The following BMP6 variants were observed in gnomAD, a reference collection of about 807,000 sequenced individuals.
BMP6 encodes the protein VG-1-R.
A neutral mutation model predicts 54.1 loss-of-function variants in BMP6; 17 were observed. The ratio of observed to expected loss-of-function variants is 0.31; its 90% CI spans 0.22 to 0.47. BMP6 has a LOEUF of 0.47. Among genes scored for constraint, BMP6 ranks in the 20% least tolerant of loss-of-function variants. BMP6 has a pLI of 1.00. For synonymous variants in BMP6, 328 were observed against 291.2 expected, an observed-to-expected ratio of 1.13 and a Z score of -1.28; for missense variants, 720 against 690.4, an observed-to-expected ratio of 1.04 and a Z score of -0.48.
chr6:7,873,609 AC>A (rs534991588), intron 4 of BMP6, among the ~76,000 whole-genome samples: 96 of 151,902 alleles, frequency 6.3e-4, no homozygotes, highest in Non-Finnish European at 1.1e-3. Context: ...CAAAGTTCCA[AC>A]CCCCTAATCC....
At chr6:7,729,879 T>C (rs1761821626) in intron 1 of BMP6, among the ~76,000 whole-genome samples, 1 of 152,162 alleles carries the variant, frequency 6.6e-6, no homozygotes, top group Admixed American at 6.5e-5. Context: ...AGTATTTTTT[T>C]GTTCAAAAAT....
intron 1 of BMP6, among the ~76,000 whole-genome samples, chr6:7,833,927 G>A (rs190681383): frequency 7.2e-4 from 110 of 152,314 alleles, no homozygotes; most frequent in African/African-American, 2.6e-3. Context: ...ATAAACAAAA[G>A]CAAACTTGCC....
intron 2 of BMP6, among the ~76,000 whole-genome samples, chr6:7,850,183 C>A (rs1759121932): frequency 6.6e-6 from 1 of 152,100 alleles, no homozygotes; most frequent in African/African-American, 2.4e-5. Flanking sequence ...CGCTCTGTTG[C>A]CCATGCTGGA....
chr6:7,837,888 A>C (rs1758898806), intron 1 of BMP6, among the ~76,000 whole-genome samples: 1 of 152,258 alleles, frequency 6.6e-6, no homozygotes, highest in Non-Finnish European at 1.5e-5. Context: ...AAATAGGTTC[A>C]ATATTTCTAT....
intron 1 of BMP6, among the ~76,000 whole-genome samples, chr6:7,733,155 C>T (rs1174328147): frequency 6.6e-6 from 1 of 152,188 alleles, no homozygotes; most frequent in Non-Finnish European, 1.5e-5. Flanking sequence ...ATCTGCCTGC[C>T]TTGGCCACCC....
chr6:7,752,795 G>T (rs1757446994), intron 1 of BMP6, among the ~76,000 whole-genome samples: 1 of 152,050 alleles, frequency 6.6e-6, no homozygotes, highest in Non-Finnish European at 1.5e-5. Flanking sequence ...CAGATCCGTG[G>T]ATTATAATTT....
chr6:7,862,642 G>C, intron 4 of BMP6, 144 bp downstream of exon 4: 1 of 1,101,456 alleles, frequency 9.1e-7, no homozygotes, highest in East Asian at 2.6e-5. Context: ...ATGGTACCTT[G>C]TACAGTCGCA....
intron 4 of BMP6, among the ~76,000 whole-genome samples, chr6:7,876,393 T>C (rs1759615274): frequency 6.6e-6 from 1 of 152,206 alleles, no homozygotes; most frequent in Non-Finnish European, 1.5e-5. Context: ...TTGCCTTTCT[T>C]TAGTTGTAGA....
chr6:7,820,595 G>T (rs1237328528), intron 1 of BMP6, among the ~76,000 whole-genome samples: 1 of 152,154 alleles, frequency 6.6e-6, no homozygotes, highest in Non-Finnish European at 1.5e-5. Flanking sequence ...AGGAAATTAG[G>T]TGGGGACAGT....
In BMP6 at chr6:7,844,850, C is replaced by T. The variant is rs35783167; in HGVS notation, c.665-290C>T. On this transcript the variant is annotated intron_variant, in intron 1 of 6. Coordinates refer to ENST00000283147, the MANE Select transcript of BMP6 (RefSeq NM_001718.6). ...ATTTTTGCAGATGAGAAAACTTTAACGCAAGAGTTTTCATAACTTGCTCTC... is the reference window on the plus strand; with the variant it reads ...ATTTTTGCAGATGAGAAAACTTTAATGCAAGAGTTTTCATAACTTGCTCTC... Among the ~76,000 whole-genome samples, 705 of 152,258 alleles carry T rather than the reference C, an allele frequency of 4.6e-3. 7 individuals carry two copies. The highest frequency in any genetic ancestry group is 0.016 in the African/African-American group (662 of 41,548).
intron 1 of BMP6, among the ~76,000 whole-genome samples, chr6:7,803,490 C>A (rs1403201314): frequency 6.6e-6 from 1 of 152,096 alleles, no homozygotes; most frequent in Non-Finnish European, 1.5e-5. Context: ...CATTTCTTCC[C>A]ATCCTGCACC....
intron 4 of BMP6, among the ~76,000 whole-genome samples, chr6:7,871,498 A>G (rs181717636): frequency 3.3e-5 from 5 of 152,248 alleles, no homozygotes; most frequent in Admixed American, 3.3e-4. Context: ...GTGTCACCTG[A>G]TCACTCAACA....
chr6:7,758,835 A>G (rs1018353177), intron 1 of BMP6, among the ~76,000 whole-genome samples: 31 of 152,146 alleles, frequency 2.0e-4, no homozygotes, highest in African/African-American at 7.5e-4. Flanking sequence ...AGGTGCAGCC[A>G]CTGTCCCCTT....
At chr6:7,799,119 G>A (rs1758234029) in intron 1 of BMP6, among the ~76,000 whole-genome samples, 1 of 152,192 alleles carries the variant, frequency 6.6e-6, no homozygotes, top group Non-Finnish European at 1.5e-5. Flanking sequence ...GAATTCCAAG[G>A]TTTTGGATGG....
chr6:7,772,227 T>C (rs957974379), intron 1 of BMP6, among the ~76,000 whole-genome samples: 1 of 152,086 alleles, frequency 6.6e-6, no homozygotes, highest in African/African-American at 2.4e-5. Flanking sequence ...GCCAACAGAG[T>C]GGCCTCCAGT....
At chr6:7,877,083 TTCTG>T (rs1257234974) in intron 4 of BMP6, among the ~76,000 whole-genome samples, 85 of 152,114 alleles carry the variant, frequency 5.6e-4, no homozygotes, top group Non-Finnish European at 1.5e-5. Flanking sequence ...AGTAGGAAGT[TTCTG>T]TCTTATGGTG....
chr6:7,854,368 T>A (rs1318786291), intron 2 of BMP6, among the ~76,000 whole-genome samples: 1 of 152,194 alleles, frequency 6.6e-6, no homozygotes, highest in Non-Finnish European at 1.5e-5. Flanking sequence ...AAAGATTACT[T>A]TGTAAAACAT....
intron 1 of BMP6, among the ~76,000 whole-genome samples, chr6:7,757,957 C>G (rs563179443): frequency 6.6e-6 from 1 of 152,308 alleles, no homozygotes; most frequent in East Asian, 1.9e-4. Context: ...CTAAAATGCC[C>G]ACTCTGAAAG....
chr6:7,855,233 A>T (rs1266454891), intron 2 of BMP6, among the ~76,000 whole-genome samples: 1 of 152,148 alleles, frequency 6.6e-6, no homozygotes, highest in Non-Finnish European at 1.5e-5. Flanking sequence ...TTTCATGGAG[A>T]GGTAGTCTGG....
Sources: gnomAD v4.1 joint callset for allele counts (sites outside exome capture counted in the v4.1 genomes callset) on GRCh38, gnomAD v4.1.1 for gene constraint, MANE v1.5 for transcripts, NCBI Gene and HGNC (gene_info 2026-07-23, HGNC 2026-07-21) for gene names.